Variants in ISM1 observed in about 807,000 individuals in gnomAD.
ISM1 encodes isthmin 1, also known as isthmin-1.
Under a neutral mutation model 46.3 loss-of-function variants are expected in ISM1, and 25 were observed. The ratio of observed to expected loss-of-function variants is 0.54; its 90% CI spans 0.39 to 0.75. The LOEUF is 0.75. ISM1 is among the 30% of genes least tolerant of loss of function. ISM1 has a pLI of 0.00. For missense variants in ISM1, 536 were observed against 625.4 expected, an observed-to-expected ratio of 0.86 and a Z score of 1.52; for synonymous variants, 255 against 256.7, an observed-to-expected ratio of 0.99 and a Z score of 0.06.
chr20:13,298,588 T>C (rs1055203383), intron 5 of ISM1, among the ~76,000 whole-genome samples: 2 of 152,264 alleles, frequency 1.3e-5, no homozygotes, highest in Non-Finnish European at 2.9e-5. Flanking sequence ...AAAACAAATA[T>C]AATAATAGTT....
At chr20:13,223,557 T>C (rs879509881) in intron 1 of ISM1, among the ~76,000 whole-genome samples, 2 of 152,186 alleles carry the variant, frequency 1.3e-5, no homozygotes, top group Non-Finnish European at 2.9e-5. Context: ...TAAAGCAAGG[T>C]GATTATTGCA....
the ISM1 span, among the ~76,000 whole-genome samples, chr20:13,306,061 C>A: frequency 2.0e-5 from 3 of 147,144 alleles, no homozygotes; most frequent in African/African-American, 7.7e-5. Flanking sequence ...TATAGATATT[C>A]ACGATTGCCC....
In ISM1 at chr20:13,254,058, T is replaced by TA. The variant is rs34371292; in HGVS notation, c.139-16425dup. Among the ~76,000 whole-genome samples, 370 of 116,180 alleles carry TA rather than the reference T, an allele frequency of 3.2e-3. 1 individual carries two copies. The highest frequency in any genetic ancestry group is 0.015 in the Middle Eastern group (3 of 206). The allele number at this position is 116,180 out of a possible 152,430, so 76.2% of individuals were successfully genotyped here. On this transcript the variant is annotated intron_variant, in intron 1 of 5. Transcript: ENST00000262487. ...CATGGCAAAACCCCATCATCTCTACTAAAAAAAAAAAAAAAAAAAAATACA... is the reference window on the plus strand; with the variant it reads ...CATGGCAAAACCCCATCATCTCTACTAAAAAAAAAAAAAAAAAAAAAATACA...
At chr20:13,254,816 C>G (rs1350869154) in intron 1 of ISM1, among the ~76,000 whole-genome samples, 2 of 152,226 alleles carry the variant, frequency 1.3e-5, no homozygotes, top group African/African-American at 4.8e-5. Flanking sequence ...AGAATCCACA[C>G]ATGGTTCGAG....
At chr20:13,321,291 TA>T in the ISM1 span, among the ~76,000 whole-genome samples, 1 of 72,402 alleles carries the variant, frequency 1.4e-5, no homozygotes, top group Non-Finnish European at 2.9e-5. Context: ...TTATGACAAA[TA>T]AAGAAGATGC....
At chr20:13,276,172 C>A (rs991147695) in intron 2 of ISM1, among the ~76,000 whole-genome samples, 5 of 152,312 alleles carry the variant, frequency 3.3e-5, no homozygotes, top group Non-Finnish European at 1.5e-5. Flanking sequence ...TGAGGAAATC[C>A]TTTTCCTCTC....
At chr20:13,288,014 T>A (rs542233629) in intron 3 of ISM1, among the ~76,000 whole-genome samples, 3 of 152,320 alleles carry the variant, frequency 2.0e-5, no homozygotes, top group South Asian at 2.1e-4. Flanking sequence ...GTAGTCCATG[T>A]GGCTCCTCTC....
chr20:13,300,805 T>C (rs1310945456), downstream of ISM1, among the ~76,000 whole-genome samples: 1 of 152,192 alleles, frequency 6.6e-6, no homozygotes, highest in African/African-American at 2.4e-5. Flanking sequence ...ATGGCATCCT[T>C]GGCACCAAAA....
chr20:13,252,422 G>A (rs1450213875), intron 1 of ISM1, among the ~76,000 whole-genome samples: 1 of 152,152 alleles, frequency 6.6e-6, no homozygotes, highest in East Asian at 1.9e-4. Flanking sequence ...TCGTGGGGAG[G>A]CTTTTGCAGC....
the ISM1 span, among the ~76,000 whole-genome samples, chr20:13,309,657 ATC>A: frequency 6.6e-6 from 1 of 152,358 alleles, no homozygotes; most frequent in African/African-American, 2.4e-5. Context: ...AAGTGAATTT[ATC>A]TCTGTTTGCA....
At chr20:13,224,732 C>T (rs540198492) in intron 1 of ISM1, among the ~76,000 whole-genome samples, 14 of 151,928 alleles carry the variant, frequency 9.2e-5, no homozygotes, top group South Asian at 2.1e-4. Flanking sequence ...ATATCAAGGA[C>T]GCCCAATAAA....
chr20:13,248,757 C>G (rs905643732), intron 1 of ISM1, among the ~76,000 whole-genome samples: 1 of 152,176 alleles, frequency 6.6e-6, no homozygotes, highest in Non-Finnish European at 1.5e-5. Context: ...TTCCCTTGAT[C>G]CCCAGATGTT....
At chr20:13,244,283 C>T (rs945024619) in intron 1 of ISM1, 1 of 149,888 alleles carries the variant, frequency 6.7e-6, no homozygotes, top group Non-Finnish European at 1.5e-5. Flanking sequence ...GACTGGTTTT[C>T]ATGTGGGCAG....
chr20:13,292,486 T>C (rs1156991737), intron 5 of ISM1, 23 bp downstream of exon 5: 2 of 1,461,710 alleles, frequency 1.4e-6, no homozygotes, highest in African/African-American at 2.8e-5. Flanking sequence ...TCTTTTTTAA[T>C]CCAAATATTG....
intron 3 of ISM1, among the ~76,000 whole-genome samples, chr20:13,283,462 C>A (rs1433424011): frequency 6.6e-6 from 1 of 151,940 alleles, no homozygotes; most frequent in Non-Finnish European, 1.5e-5. Context: ...TATATTTGTC[C>A]GCAAGGATTA....
intron 3 of ISM1, among the ~76,000 whole-genome samples, chr20:13,280,400 C>A (rs886102304): frequency 1.7e-4 from 25 of 147,848 alleles, no homozygotes; most frequent in Admixed American, 6.7e-4. Context: ...AACCCCCCCC[C>A]CCCAATACAT....
At chr20:13,284,877 G>C (rs2040275162) in intron 3 of ISM1, among the ~76,000 whole-genome samples, 1 of 152,218 alleles carries the variant, frequency 6.6e-6, no homozygotes, top group Non-Finnish European at 1.5e-5. Flanking sequence ...TGTGGAGAAA[G>C]CCACTTACTG....
intron 1 of ISM1, among the ~76,000 whole-genome samples, chr20:13,249,534 A>C (rs1445058666): frequency 6.6e-6 from 1 of 152,240 alleles, no homozygotes; most frequent in Non-Finnish European, 1.5e-5. Flanking sequence ...ATTTACAACC[A>C]AATTATACAC....
chr20:13,312,551 G>T, the ISM1 span, among the ~76,000 whole-genome samples: 6 of 152,204 alleles, frequency 3.9e-5, no homozygotes, highest in African/African-American at 1.4e-4. Context: ...TTACTGGACA[G>T]GAGGCCTCAA....
Sources: gnomAD v4.1 joint callset for allele counts (sites outside exome capture counted in the v4.1 genomes callset) on GRCh38, gnomAD v4.1.1 for gene constraint, MANE v1.5 for transcripts, NCBI Gene and HGNC (gene_info 2026-07-23, HGNC 2026-07-21) for gene names.